Variants in CDK8 observed in about 807,000 individuals in gnomAD.
CDK8 encodes cyclin-dependent kinase 8.
In CDK8, 29 loss-of-function variants were observed where a neutral mutation model predicts 71.5. The observed-to-expected ratio is 0.41, with a 90% CI of 0.30 to 0.55. The LOEUF is 0.55. Ranked by LOEUF, CDK8 falls within the 20% of genes least tolerant of loss-of-function variation. The pLI is 0.37. For missense variants in CDK8, 288 were observed against 572.6 expected (o/e 0.50, Z 5.07); for synonymous variants, 161 against 192.1 (o/e 0.84, Z 1.34).
intron 1 of CDK8, among the ~76,000 whole-genome samples, chr13:26,305,616 T>C (rs1232770561): frequency 6.6e-6 from 1 of 152,216 alleles, no homozygotes; most frequent in East Asian, 1.9e-4. Flanking sequence ...GTTTATTGTT[T>C]CTTATCCTCT....
At chr13:26,306,588 C>G (rs1174448182) in intron 1 of CDK8, among the ~76,000 whole-genome samples, 1 of 147,284 alleles carries the variant, frequency 6.8e-6, no homozygotes, top group Non-Finnish European at 1.5e-5. Context: ...GGCCTTGATT[C>G]TTCCCTACTT....
intron 1 of CDK8, among the ~76,000 whole-genome samples, chr13:26,266,710 A>T (rs904775066): frequency 1.3e-5 from 2 of 152,208 alleles, no homozygotes; most frequent in Non-Finnish European, 2.9e-5. Flanking sequence ...TGTTTTTGGT[A>T]CTTTGATGGT....
intron 1 of CDK8, among the ~76,000 whole-genome samples, chr13:26,322,825 A>G (rs17083783): frequency 0.059 from 8,954 of 152,074 alleles, 881 homozygotes; most frequent in African/African-American, 0.2. Context: ...TGTTAATTTT[A>G]TTGTGTTTAA....
Position 26,254,595 on chromosome 13 carries a change from G to GC in CDK8, c.-41dup, listed in dbSNP as rs1343622027. On this transcript the variant is annotated 5_prime_UTR_variant, in exon 1 of 13. Transcript: ENST00000381527. This position sits in a 1 kb window ranked among gnomAD's most constrained non-coding sequence, Gnocchi z 6.7. The stretch of plus-strand genomic sequence containing the variant: ...CCGTGCTTCCCCGGTCCCCACCCCT[G>GC]CCCCCCGGCCCCCCGACCCAGCTCT... The GC allele has an allele frequency of 7.6e-5, 91 of 1,193,926 alleles. No homozygotes were observed. Among genetic ancestry groups the GC allele is most frequent in the Non-Finnish European group, 9.3e-5 (79 of 846,678 alleles). 74.0% of individuals were successfully genotyped at this position (1,193,926 alleles called of 1,614,324 possible).
At chr13:26,352,639 T>A (rs373434271) in intron 3 of CDK8, among the ~76,000 whole-genome samples, 1 of 152,144 alleles carries the variant, frequency 6.6e-6, no homozygotes, top group Admixed American at 6.5e-5. Flanking sequence ...TTAAATACTT[T>A]GAAAAAAAGA....
chr13:26,335,920 T>TAAC (rs71080255), intron 1 of CDK8, among the ~76,000 whole-genome samples: 54,525 of 149,900 alleles, frequency 0.36, 10,967 homozygotes, highest in Middle Eastern at 0.48. Context: ...TTCTCTTGCT[T>TAAC]AACAACAACA....
chr13:26,351,718 G>A (rs1265795348), intron 3 of CDK8, among the ~76,000 whole-genome samples: 1 of 151,994 alleles, frequency 6.6e-6, no homozygotes, highest in African/African-American at 2.4e-5. Flanking sequence ...TAATATTTAA[G>A]CCAAATAAAT....
Position 26,285,680 on chromosome 13 carries a change from T to C in CDK8, c.128+30911T>C, listed in dbSNP as rs9578989. On this transcript the variant is annotated intron_variant, in intron 1 of 12. Transcript: ENST00000381527. ...GAGAAGGAAATAAAGCGGATCCACATTGGTAAAGACAAAGTCAAACTGTCA... is the reference window on the plus strand; with the variant it reads ...GAGAAGGAAATAAAGCGGATCCACACTGGTAAAGACAAAGTCAAACTGTCA... 6.8e-3 allele frequency among the ~76,000 whole-genome samples: 1,033 copies of C among 152,290 alleles called. 8 individuals carry two copies. Among genetic ancestry groups the C allele is most frequent in the Middle Eastern group, 0.024 (7 of 294 alleles).
chr13:26,349,237 C>G, intron 3 of CDK8, 55 bp downstream of exon 3: 1 of 940,728 alleles, frequency 1.1e-6, no homozygotes, highest in Non-Finnish European at 1.7e-6. Flanking sequence ...TTAAGAGTAA[C>G]TAAAAACAGT....
intron 1 of CDK8, among the ~76,000 whole-genome samples, chr13:26,283,380 C>A (rs181092626): frequency 6.6e-6 from 1 of 152,102 alleles, no homozygotes; most frequent in Non-Finnish European, 1.5e-5. Context: ...GAGGCCGAGG[C>A]GGGCGGATCA....
chr13:26,274,410 G>A (rs891984069), intron 1 of CDK8, among the ~76,000 whole-genome samples: 4 of 150,148 alleles, frequency 2.7e-5, no homozygotes, highest in South Asian at 2.1e-4. Flanking sequence ...CATATTTTGC[G>A]TGTTTTCTGT....
At chr13:26,323,726 A>T (rs1316656862) in intron 1 of CDK8, among the ~76,000 whole-genome samples, 1 of 152,072 alleles carries the variant, frequency 6.6e-6, no homozygotes, top group Non-Finnish European at 1.5e-5. Context: ...TGTAAATCTC[A>T]TTCCTTTAAA....
intron 9 of CDK8, among the ~76,000 whole-genome samples, chr13:26,397,613 T>A (rs1421500706): frequency 6.6e-6 from 1 of 152,152 alleles, no homozygotes; most frequent in Non-Finnish European, 1.5e-5. Context: ...TTTGAAAGAC[T>A]GTTTACAAAG....
At chr13:26,352,247 G>C (rs997006734) in intron 3 of CDK8, among the ~76,000 whole-genome samples, 1 of 151,452 alleles carries the variant, frequency 6.6e-6, no homozygotes, top group African/African-American at 2.4e-5. Flanking sequence ...ATGGAGTCTC[G>C]CTCTGTCGCC....
chr13:26,390,900 A>T (rs994999366), intron 6 of CDK8, among the ~76,000 whole-genome samples: 1 of 152,096 alleles, frequency 6.6e-6, no homozygotes, highest in Non-Finnish European at 1.5e-5. Flanking sequence ...CATTTTGAGA[A>T]GTAGATGAAA....
chr13:26,401,214 C>A lies in CDK8; in HGVS notation c.1032-55C>A. 1 of 1,291,174 alleles carries A rather than the reference C, an allele frequency of 7.7e-7. No individual in the cohort carries two copies. Among genetic ancestry groups the A allele is most frequent in the Non-Finnish European group, 1.1e-6 (1 of 901,186 alleles). 80.0% of individuals were successfully genotyped at this position (1,291,174 alleles called of 1,614,324 possible). On this transcript the variant is annotated intron_variant, in intron 10 of 12. Transcript: ENST00000381527. The surrounding 1 kb of genome is among the most constrained non-coding windows in gnomAD (Gnocchi z 4.5). The stretch of plus-strand genomic sequence containing the variant: ...TAAAATGAGAATCTCCTAAATGAAG[C>A]ATTTGGAATATTGATTAGTATACCA...
chr13:26,321,638 T>G (rs1457644757), intron 1 of CDK8, among the ~76,000 whole-genome samples: 3 of 152,232 alleles, frequency 2.0e-5, no homozygotes, highest in Middle Eastern at 3.4e-3. Flanking sequence ...TTTATGAAAC[T>G]CCTGTAAAAT....
Position 26,254,878 on chromosome 13 carries a change from T to C in CDK8, c.128+109T>C. 6.9e-7 allele frequency: 1 copy of C among 1,454,056 alleles called. No individual in the cohort carries two copies. Among genetic ancestry groups the C allele is most frequent in the Non-Finnish European group, 9.3e-7 (1 of 1,075,646 alleles). 90.1% of individuals were successfully genotyped at this position (1,454,056 alleles called of 1,614,324 possible). A position where few individuals can be genotyped will look rare whatever the true frequency, so the allele number is the denominator to read the frequency against. On this transcript the variant is annotated intron_variant, in intron 1 of 12. Coordinates refer to ENST00000381527, the MANE Select transcript of CDK8 (RefSeq NM_001260.3). This position sits in a 1 kb window ranked among gnomAD's most constrained non-coding sequence, Gnocchi z 6.7. ...GCCGGGGTGCCGGGCTCTGACTTCC[T>C]CGACGCCGGCCTCTGGCTCCGCCAG...
In CDK8 at chr13:26,401,384, G is replaced by T. The variant is rs754912898; in HGVS notation, c.1110+37G>T. On this transcript the variant is annotated intron_variant, in intron 11 of 12. Transcript: ENST00000381527. The surrounding 1 kb of genome is among the most constrained non-coding windows in gnomAD (Gnocchi z 4.5). ...AGTACTGTTAGCAGCTTCTTGTTTCGTGAATGCCTCCATAACATTTTCCAT... is the reference window on the plus strand; with the variant it reads ...AGTACTGTTAGCAGCTTCTTGTTTCTTGAATGCCTCCATAACATTTTCCAT... 8 of 1,610,544 alleles carry T rather than the reference G, an allele frequency of 5.0e-6. No homozygotes were observed. In the African/African-American group the frequency reaches 1.1e-4, roughly 22 times the overall value.
Sources: allele counts gnomAD v4.1 joint callset (sites outside exome capture counted in the v4.1 genomes callset), GRCh38; gene constraint gnomAD v4.1.1; non-coding constraint Gnocchi (gnomAD v3.1); transcripts MANE v1.5; gene names NCBI Gene and HGNC (gene_info 2026-07-23, HGNC 2026-07-21).